C2: variants seen among roughly 807,000 people sequenced by gnomAD.
C2 encodes the protein complement C2, also known as C3/C5 convertase.
In C2, 64 loss-of-function variants were observed where a neutral mutation model predicts 85.2. The observed-to-expected ratio is 0.75, with a 90% CI of 0.61 to 0.92. The LOEUF (loss-of-function observed/expected upper bound fraction) is 0.92. Among genes scored for constraint, C2 ranks in the 40% least tolerant of loss-of-function variants. The pLI, the probability that C2 is intolerant of heterozygous loss-of-function variation, is 0.00. For synonymous variants in C2, 311 were observed against 370.8 expected, an observed-to-expected ratio of 0.84 and a Z score of 1.85; for missense variants, 820 against 971.6, an observed-to-expected ratio of 0.84 and a Z score of 2.07.
chr6:31,910,860 A>G (rs1299243592), intron 1 of C2, among the ~76,000 whole-genome samples: 1 of 151,468 alleles, frequency 6.6e-6, no homozygotes, highest in Non-Finnish European at 1.5e-5. Flanking sequence ...CATGCCTGTA[A>G]TCCCAGCTAC....
At chr6:31,937,177 C>T (rs1277962595) in intron 7 of C2, 142 bp from the exon 8 acceptor site, 3 of 797,902 alleles carry the variant, frequency 3.8e-6, no homozygotes, top group East Asian at 2.6e-5. Context: ...CCACTATACT[C>T]TAGCCTGGGT....
At chr6:31,916,638 A>T (rs117682012), upstream of C2, among the ~76,000 whole-genome samples, 702 of 150,364 alleles carry the variant, frequency 4.7e-3, 5 homozygotes, top group Middle Eastern at 0.021. Context: ...CTGAGGAGAG[A>T]GCTGAATGTC....
Position 31,943,718 on chromosome 6 carries a change from GC to G in C2, c.1644del (p.Lys550ArgfsTer13). ...AVISPGFDVF[A>X]KKNQGILEFY... ...GATCTCCCCAGGGTTTGATGTCTTTGCCAAAAAGAACCAGGGAATCCTGGAG... is the reference window on the plus strand; with the variant it reads ...GATCTCCCCAGGGTTTGATGTCTTTGCAAAAAGAACCAGGGAATCCTGGAG... On this transcript the variant is annotated frameshift_variant, in exon 13 of 18. Coordinates refer to ENST00000299367, the MANE Select transcript of C2 (RefSeq NM_000063.6). LOFTEE classifies it high-confidence loss of function. The surrounding 1 kb of genome is among the most constrained non-coding windows in gnomAD (Gnocchi z 6.4). The G allele has an allele frequency of 6.2e-7, 1 of 1,613,050 alleles. No homozygotes were observed. Among genetic ancestry groups the G allele is most frequent in the Non-Finnish European group, 8.5e-7 (1 of 1,180,000 alleles).
chr6:31,921,872 G>A lies in C2; in HGVS notation c.-100+1846G>A, dbSNP rs76035988. Among the ~76,000 whole-genome samples, 18 of 152,264 alleles carry A rather than the reference G, an allele frequency of 1.2e-4. No individual in the cohort carries two copies. In the East Asian group the frequency reaches 2.7e-3, roughly 23 times the overall value. On this transcript the variant is annotated intron_variant, in intron 1 of 3. Transcript: ENST00000413154. The surrounding 1 kb of genome is among the most constrained non-coding windows in gnomAD (Gnocchi z 4.6). ...CAGACAGTGCATTCTGGAGGTGATC[G>A]CAAGAAACATGGGTAGTGGAGTGTG... is the stretch of plus-strand genomic sequence containing the variant.
upstream of C2, among the ~76,000 whole-genome samples, chr6:31,899,217 C>T (rs372038783): frequency 6.6e-6 from 1 of 151,394 alleles, no homozygotes; most frequent in Non-Finnish European, 1.5e-5. Flanking sequence ...TCCCAACAGC[C>T]CTTCTTGTGT....
chr6:31,933,355 CT>C (rs747449768), intron 3 of C2, among the ~76,000 whole-genome samples: 6 of 152,240 alleles, frequency 3.9e-5, no homozygotes, highest in Non-Finnish European at 8.8e-5. Flanking sequence ...TTGGAATTAC[CT>C]GTTGTTTCAG....
At chr6:31,901,090 G>A in exon 1 of C2, 1 of 1,614,166 alleles carries the variant, frequency 6.2e-7, no homozygotes, top group Non-Finnish European at 8.5e-7. Flanking sequence ...GCATCAGGGA[G>A]ACCTGCAGCT....
chr6:31,902,739 C>T (rs985797941), intron 1 of C2, among the ~76,000 whole-genome samples: 1 of 152,158 alleles, frequency 6.6e-6, no homozygotes, highest in Non-Finnish European at 1.5e-5. Context: ...CATGTCAGTC[C>T]TTTAAAATCA....
intron 1 of C2, among the ~76,000 whole-genome samples, chr6:31,911,050 G>A (rs1366755959): frequency 1.3e-5 from 2 of 152,086 alleles, no homozygotes; most frequent in Non-Finnish European, 2.9e-5. Flanking sequence ...TGTAATCCCA[G>A]CACTTTGGGA....
rs1769047684 is a variant in C2, at chr6:31,922,625, T to C, written c.-100+2599T>C. ...GGGAGGCAGAGGCAGGTGGATCACCTGAGGTCAGGAGTTTGAGACCAGCCT... is the reference window on the plus strand; with the variant it reads ...GGGAGGCAGAGGCAGGTGGATCACCCGAGGTCAGGAGTTTGAGACCAGCCT... On this transcript the variant is annotated intron_variant, in intron 1 of 3. Transcript: ENST00000413154. This position sits in a 1 kb window ranked among gnomAD's most constrained non-coding sequence, Gnocchi z 4.8. Among the ~76,000 whole-genome samples the C allele has an allele frequency of 6.6e-6, 1 of 152,136 alleles. No homozygotes were observed. The highest frequency in any genetic ancestry group is 6.6e-5 in the Admixed American group (1 of 15,254).
Position 31,904,296 on chromosome 6 carries a change from A to T in C2, c.73+3157A>T, listed in dbSNP as rs1767572076. On this transcript the variant is annotated intron_variant, in intron 1 of 3. Transcript: ENST00000452202. The surrounding 1 kb of genome is among the most constrained non-coding windows in gnomAD (Gnocchi z 4.4). ...AACGGACTATGAAATTTTCAAAAGA[A>T]TTTTATTTTATTTTAATTAATTAAT... Among the ~76,000 whole-genome samples, 1 of 151,882 alleles carries T rather than the reference A, an allele frequency of 6.6e-6. No homozygotes were observed. Among genetic ancestry groups the T allele is most frequent in the Admixed American group, 6.6e-5 (1 of 15,246 alleles).
chr6:31,900,780 G>C, upstream of C2: 1 of 1,592,532 alleles, frequency 6.3e-7, no homozygotes, highest in South Asian at 1.1e-5. This position sits in a 1 kb window ranked among gnomAD's most constrained non-coding sequence, Gnocchi z 9.7. Flanking sequence ...GGCCGCAGGA[G>C]TGGAGGGGGT....
intron 1 of C2, among the ~76,000 whole-genome samples, chr6:31,902,899 G>A (rs1158385781): frequency 6.6e-6 from 1 of 152,140 alleles, no homozygotes; most frequent in Non-Finnish European, 1.5e-5. Context: ...TATTATGTTA[G>A]TATGATTCTA....
chr6:31,934,081 G>C, intron 5 of C2, 85 bp from the exon 6 acceptor site: 4 of 1,570,980 alleles, frequency 2.5e-6, no homozygotes, highest in Non-Finnish European at 3.5e-6. Flanking sequence ...CACTGAAAGG[G>C]AGGGAGGCAG....
rs1185950700 is a variant in C2 at position 31,944,871 on chromosome 6, C to G, written c.2029+18C>G. 3 of 1,613,064 alleles carry G rather than the reference C, an allele frequency of 1.9e-6. 1 individual carries two copies. Among genetic ancestry groups the G allele is most frequent in the Non-Finnish European group, 2.5e-6 (3 of 1,180,014 alleles). On this transcript the variant is annotated intron_variant, in intron 16 of 17. Coordinates refer to ENST00000299367, the MANE Select transcript of C2 (RefSeq NM_000063.6). This position sits in a 1 kb window ranked among gnomAD's most constrained non-coding sequence, Gnocchi z 5.1. ...CTGCAAGGGTGAGTCCCTCACCATG[C>G]CTGGATTCCCAAGGGGAAGGCCACC...
intron 7 of C2, chr6:31,936,359 CATT>C: frequency 2.2e-6 from 1 of 451,722 alleles, no homozygotes; most frequent in South Asian, 2.0e-5. Flanking sequence ...CTCCCCATGT[CATT>C]AGCCACCCAT....
At chr6:31,900,127 G>A (rs776290502), upstream of C2, 2 of 1,614,068 alleles carry the variant, frequency 1.2e-6, no homozygotes, top group Non-Finnish European at 1.7e-6. This position sits in a 1 kb window ranked among gnomAD's most constrained non-coding sequence, Gnocchi z 9.7. Context: ...TGAAGCACTT[G>A]CCGCAGATGC....
At position 31,922,383 on chromosome 6, in the gene C2, C is replaced by A. The variant is rs1769034056; in HGVS notation, c.-100+2357C>A. On this transcript the variant is annotated intron_variant, in intron 1 of 3. Coordinates refer to the C2 transcript ENST00000413154. This position sits in a 1 kb window ranked among gnomAD's most constrained non-coding sequence, Gnocchi z 4.8. ...TCCTAGGATGACCGCGAAGTCCATG[C>A]CCAAGTGGCCAGACTGGATAAGGAG... is the stretch of plus-strand genomic sequence containing the variant. Among the ~76,000 whole-genome samples the A allele has an allele frequency of 6.6e-6, 1 of 152,126 alleles. No homozygotes were observed. Among genetic ancestry groups the A allele is most frequent in the Non-Finnish European group, 1.5e-5 (1 of 68,014 alleles).
intron 1 of C2, among the ~76,000 whole-genome samples, chr6:31,912,133 T>C (rs556265492): frequency 5.3e-5 from 8 of 152,280 alleles, no homozygotes; most frequent in African/African-American, 1.7e-4. Flanking sequence ...GACCACAGTC[T>C]GAGTAGCAAG....
Sources: allele counts gnomAD v4.1 joint callset (sites outside exome capture counted in the v4.1 genomes callset), GRCh38; gene constraint gnomAD v4.1.1; non-coding constraint Gnocchi (gnomAD v3.1); transcripts MANE v1.5; gene names NCBI Gene and HGNC (gene_info 2026-07-23, HGNC 2026-07-21).